Variants in PRELID2 observed in about 807,000 individuals in gnomAD.
PRELID2 encodes the protein PRELI domain containing 2, also known as PRELI domain-containing protein 2.
PRELID2 carries 25 observed loss-of-function variants against 28.4 expected under a neutral mutation model. The observed-to-expected ratio is 0.88, with a 90% CI of 0.64 to 1.23. The LOEUF (loss-of-function observed/expected upper bound fraction) is 1.23, where lower values mean the gene tolerates loss of function less well. PRELID2 is among the 50% of genes most tolerant of loss of function. PRELID2 has a pLI of 0.00. For missense variants in PRELID2, 201 were observed against 214.4 expected (o/e 0.94, Z 0.39); for synonymous variants, 76 against 71.6 (o/e 1.06, Z -0.31).
chr5:145,819,470 C>A, intron 3 of PRELID2: 2 of 1,155,214 alleles, frequency 1.7e-6, no homozygotes, highest in South Asian at 1.3e-5. Flanking sequence ...AATGATATTA[C>A]TTTAGAGAAA....
downstream of PRELID2, among the ~76,000 whole-genome samples, chr5:145,467,875 GTTAA>G (rs1424104593): frequency 6.6e-6 from 1 of 150,936 alleles, no homozygotes; most frequent in Non-Finnish European, 1.5e-5. Context: ...TTATTTTAAA[GTTAA>G]TTTATTTACT....
chr5:145,640,381 CAGG>C (rs1485709054), intron 1 of PRELID2, among the ~76,000 whole-genome samples: 1 of 150,250 alleles, frequency 6.7e-6, no homozygotes, highest in African/African-American at 2.5e-5. Context: ...GAGGCTGAGG[CAGG>C]AGAATGGCGT....
chr5:145,408,075 A>G, the PRELID2 span, among the ~76,000 whole-genome samples: 1 of 152,044 alleles, frequency 6.6e-6, no homozygotes, highest in Non-Finnish European at 1.5e-5. Context: ...GGCTCTCAGA[A>G]AGCCCCATCT....
chr5:145,573,929 G>A (rs965237561), intron 1 of PRELID2, among the ~76,000 whole-genome samples: 1 of 152,152 alleles, frequency 6.6e-6, no homozygotes, highest in African/African-American at 2.4e-5. Flanking sequence ...TTCTGTGTGG[G>A]CAGAAAAAGG....
chr5:145,398,963 T>C, the PRELID2 span, among the ~76,000 whole-genome samples: 2 of 152,114 alleles, frequency 1.3e-5, no homozygotes, highest in Admixed American at 6.6e-5. Context: ...TTATGGAATC[T>C]TTGAGTGAAG....
At chr5:145,541,548 T>G (rs1440897763) in intron 1 of PRELID2, among the ~76,000 whole-genome samples, 1 of 152,060 alleles carries the variant, frequency 6.6e-6, no homozygotes, top group Admixed American at 6.6e-5. Context: ...CCATGATGTT[T>G]TATTAAGGAA....
intron 1 of PRELID2, among the ~76,000 whole-genome samples, chr5:145,562,186 G>C (rs1226653572): frequency 1.3e-5 from 2 of 152,186 alleles, no homozygotes; most frequent in Non-Finnish European, 2.9e-5. Context: ...AGGCTGACTA[G>C]CAAGTGCCAA....
chr5:145,390,548 A>G, the PRELID2 span, among the ~76,000 whole-genome samples: 1 of 152,154 alleles, frequency 6.6e-6, no homozygotes, highest in Non-Finnish European at 1.5e-5. Context: ...ATTACCTCCC[A>G]CTGGGATCCT....
intron 5 of PRELID2, among the ~76,000 whole-genome samples, chr5:145,785,919 T>C (rs1751964042): frequency 6.6e-6 from 1 of 152,210 alleles, no homozygotes; most frequent in South Asian, 2.1e-4. Flanking sequence ...ATAAAATAGC[T>C]GAATCCTGCC....
At chr5:145,583,481 G>C (rs1753125495) in intron 1 of PRELID2, among the ~76,000 whole-genome samples, 1 of 152,124 alleles carries the variant, frequency 6.6e-6, no homozygotes, top group Non-Finnish European at 1.5e-5. Context: ...TATTCAAATA[G>C]AAAGAGAGGA....
At chr5:145,387,933 A>T in the PRELID2 span, among the ~76,000 whole-genome samples, 363 of 140,434 alleles carry the variant, frequency 2.6e-3, 2 homozygotes, top group South Asian at 0.014. Context: ...CTCAAGACAG[A>T]ACCAAAAAAA....
the PRELID2 span, among the ~76,000 whole-genome samples, chr5:145,246,820 G>T: frequency 6.6e-6 from 1 of 152,106 alleles, no homozygotes; most frequent in East Asian, 1.9e-4. Context: ...TTCATTCCTG[G>T]GTGTAGGCCA....
rs531976332 is a variant in PRELID2 at position 145,692,111 on chromosome 5, A to C, written n.70+72820T>G. Among the ~76,000 whole-genome samples, 192 of 152,246 alleles carry C rather than the reference A, an allele frequency of 1.3e-3. 2 individuals are homozygous for C. The highest frequency in any genetic ancestry group is 1.2e-3 in the Non-Finnish European group (84 of 68,018). On this transcript the variant is annotated intron_variant and non_coding_transcript_variant, in intron 1 of 2. Transcript: ENST00000510259. ...ATCTGTGACACTATCTCATGATTTCAAATACTCATTTACCTGGCTCATATT... is the reference window on the plus strand; with the variant it reads ...ATCTGTGACACTATCTCATGATTTCCAATACTCATTTACCTGGCTCATATT...
chr5:145,376,176 C>G, the PRELID2 span, among the ~76,000 whole-genome samples: 5 of 152,082 alleles, frequency 3.3e-5, no homozygotes, highest in Non-Finnish European at 5.9e-5. Context: ...CCTTAATTCT[C>G]TTTACGTGAT....
chr5:145,452,795 AG>A, the PRELID2 span, among the ~76,000 whole-genome samples: 1 of 152,142 alleles, frequency 6.6e-6, no homozygotes, highest in African/African-American at 2.4e-5. Context: ...AAGCAAAAAA[AG>A]AATGAAGGGA....
At chr5:145,411,519 G>A in the PRELID2 span, among the ~76,000 whole-genome samples, 4 of 152,162 alleles carry the variant, frequency 2.6e-5, no homozygotes, top group Admixed American at 6.5e-5. Flanking sequence ...CCACACCCTT[G>A]GGCAACTCTG....
chr5:145,296,173 G>T, the PRELID2 span, among the ~76,000 whole-genome samples: 56,097 of 151,140 alleles, frequency 0.37, 10,813 homozygotes, highest in African/African-American at 0.45. Context: ...GTTTTTTTTG[G>T]TTTTTTTATT....
At chr5:145,785,578 G>C (rs140227117) in intron 5 of PRELID2, among the ~76,000 whole-genome samples, 1 of 152,106 alleles carries the variant, frequency 6.6e-6, no homozygotes, top group African/African-American at 2.4e-5. Flanking sequence ...CAGCAACCTC[G>C]CTCTCCAGAA....
At chr5:145,651,876 C>T (rs575434927) in intron 1 of PRELID2, among the ~76,000 whole-genome samples, 65 of 152,328 alleles carry the variant, frequency 4.3e-4, no homozygotes, top group African/African-American at 1.2e-3. Flanking sequence ...CGCAGCTCCT[C>T]GCCAGCAATG....
Sources: gnomAD v4.1 joint callset for allele counts (sites outside exome capture counted in the v4.1 genomes callset) on GRCh38, gnomAD v4.1.1 for gene constraint, MANE v1.5 for transcripts, NCBI Gene and HGNC (gene_info 2026-07-23, HGNC 2026-07-21) for gene names.